Variants in PCNX1 observed in about 807,000 individuals in gnomAD.
The protein encoded by PCNX1 is pecanex 1.
PCNX1 carries 78 observed loss-of-function variants against 242.2 expected under a neutral mutation model. The ratio of observed to expected loss-of-function variants is 0.32; its 90% confidence interval spans 0.27 to 0.39. PCNX1 has a LOEUF of 0.39. Among genes scored for constraint, PCNX1 ranks in the 10% least tolerant of loss-of-function variants. The probability of loss-of-function intolerance (pLI) is 1.00; values close to 1 mark genes in which losing one functional copy is unlikely to be tolerated. For synonymous variants in PCNX1, 1,024 were observed against 1,032.9 expected, an observed-to-expected ratio of 0.99 and a Z score of 0.17; for missense variants, 2,581 against 2,856.5, an observed-to-expected ratio of 0.90 and a Z score of 2.20.
intron 12 of PCNX1, among the ~76,000 whole-genome samples, chr14:71,020,159 C>T (rs189578628): frequency 1.1e-4 from 16 of 152,294 alleles, no homozygotes; most frequent in East Asian, 9.6e-4. Context: ...ATATGTGCCA[C>T]ATTTTCTTTA....
chr14:71,008,649 C>A (rs1240518797), intron 8 of PCNX1, among the ~76,000 whole-genome samples: 5 of 118,000 alleles, frequency 4.2e-5, no homozygotes, highest in Non-Finnish European at 6.7e-5. Context: ...GAGCGAGACT[C>A]TGTCTCAAAA....
intron 28 of PCNX1, among the ~76,000 whole-genome samples, chr14:71,079,439 G>A (rs897648347): frequency 6.6e-6 from 1 of 152,160 alleles, no homozygotes; most frequent in Non-Finnish European, 1.5e-5. Flanking sequence ...CACAATGGTT[G>A]AACTAATTTA....
chr14:71,085,887 C>T, intron 28 of PCNX1: 1 of 227,576 alleles, frequency 4.4e-6, no homozygotes. Flanking sequence ...ACTCTCCTTC[C>T]ACCATTATTA....
chr14:70,924,978 T>G (rs1226916978), intron 1 of PCNX1, among the ~76,000 whole-genome samples: 2 of 151,840 alleles, frequency 1.3e-5, no homozygotes, highest in Non-Finnish European at 2.9e-5. Flanking sequence ...AGTTTTCACA[T>G]CTGGTTTTTT....
chr14:71,109,144 T>C (rs2062701295), intron 34 of PCNX1, 98 bp downstream of exon 34: 1 of 1,038,900 alleles, frequency 9.6e-7, no homozygotes, highest in Non-Finnish European at 1.4e-6. Flanking sequence ...ACACACCTTA[T>C]CTTAGTCTCA....
Position 71,044,459 on chromosome 14 carries a change from C to T in PCNX1, c.3868-674C>T, listed in dbSNP as rs968100565. On this transcript the variant is annotated intron_variant, in intron 19 of 35. Coordinates refer to ENST00000304743, the MANE Select transcript of PCNX1 (RefSeq NM_014982.3). ...AAAGTCTTGCCACAACCTTCATAGT[C>T]ACAAATGGTCTCTGTCCTGTGCACT... 6 of 152,464 alleles carry T rather than the reference C, an allele frequency of 3.9e-5. 1 individual carries two copies. Among genetic ancestry groups the T allele is most frequent in the Admixed American group, 1.3e-4 (2 of 15,310 alleles). The allele number at this position is 152,464 out of a possible 1,614,324, so 9.4% of individuals were successfully genotyped here. A position where few individuals can be genotyped will look rare whatever the true frequency, so the allele number is the denominator to read the frequency against.
chr14:71,109,842 C>G lies in PCNX1; in HGVS notation c.6933C>G (p.Ser2311=). Residue 2311 remains serine, a synonymous_variant, in exon 36 of 36, where the codon TCC becomes TCG. Transcript: ENST00000304743. ...GCAGCAGAGATCCAGGTACCAGATC[C>G]CACATCGACAAGGCAGTGCTTCTGG... The part of the protein sequence containing the change: ...VPCSRDPGTR[S]HIDKAVLLVQ... The G allele has an allele frequency of 6.2e-7, 1 of 1,612,814 alleles. No individual in the cohort carries two copies. The highest frequency in any genetic ancestry group is 8.5e-7 in the Non-Finnish European group (1 of 1,178,872).
chr14:70,996,730 G>A (rs888233018), intron 8 of PCNX1, among the ~76,000 whole-genome samples: 2 of 152,064 alleles, frequency 1.3e-5, no homozygotes, highest in Admixed American at 1.3e-4. Flanking sequence ...TCACTTGAAA[G>A]CATTTACTCA....
At chr14:70,941,356 A>G (rs995025911) in intron 1 of PCNX1, among the ~76,000 whole-genome samples, 9 of 151,858 alleles carry the variant, frequency 5.9e-5, no homozygotes. Flanking sequence ...AACAGTCAGG[A>G]CTCTCAGCTG....
At position 70,907,698 on chromosome 14, in the gene PCNX1, A is replaced by G; in HGVS notation, c.-153A>G. ...TGCTGCCTCCTCCTCCTCCTGCAGC[A>G]GCACCAGCGACCGCCGAAGCGCCGG... is the stretch of plus-strand genomic sequence containing the variant. On this transcript the variant is annotated 5_prime_UTR_variant, in exon 1 of 36. Coordinates refer to ENST00000304743, the MANE Select transcript of PCNX1 (RefSeq NM_014982.3). The G allele has an allele frequency of 2.2e-6, 2 of 918,938 alleles. No individual in the cohort carries two copies. The highest frequency in any genetic ancestry group is 2.8e-6 in the Non-Finnish European group (2 of 727,084). 56.9% of individuals were successfully genotyped at this position (918,938 alleles called of 1,614,324 possible). A position where few individuals can be genotyped will look rare whatever the true frequency, so the allele number is the denominator to read the frequency against.
At chr14:70,916,092 T>C (rs2056142404) in intron 1 of PCNX1, among the ~76,000 whole-genome samples, 1 of 152,056 alleles carries the variant, frequency 6.6e-6, no homozygotes, top group Admixed American at 6.6e-5. Context: ...GTGAAGAGGA[T>C]ATTTAAGGTT....
At chr14:71,004,288 C>T (rs372090755) in intron 8 of PCNX1, among the ~76,000 whole-genome samples, 4 of 152,174 alleles carry the variant, frequency 2.6e-5, no homozygotes, top group Admixed American at 6.5e-5. Flanking sequence ...TCCATTAACC[C>T]AGGGGTCCCC....
intron 28 of PCNX1, 115 bp downstream of exon 28, chr14:71,076,534 C>T: frequency 1.5e-6 from 1 of 678,848 alleles, no homozygotes; most frequent in South Asian, 1.8e-5. Flanking sequence ...TTCTGATCTT[C>T]TGGTTAAGAT....
At chr14:70,944,821 A>C (rs1397633555) in intron 1 of PCNX1, among the ~76,000 whole-genome samples, 6 of 152,188 alleles carry the variant, frequency 3.9e-5, no homozygotes, top group African/African-American at 9.7e-5. Context: ...GTGAGTTCTC[A>C]TGAGAACTGA....
rs559183182 is a variant in PCNX1, at chr14:70,940,997, A to G, written c.154-5918A>G. ...CATCAGGTCATTTAAGGTCTTCTCT[A>G]CATTGTTTATTCTAGTTAGCCATTT... On this transcript the variant is annotated intron_variant, in intron 1 of 35. Transcript: ENST00000304743. Among the ~76,000 whole-genome samples the G allele has an allele frequency of 2.0e-5, 3 of 152,236 alleles. No homozygotes were observed. In the South Asian group the frequency reaches 6.2e-4, roughly 32 times the overall value.
chr14:71,109,949 A>T lies in PCNX1; in HGVS notation c.*14A>T. On this transcript the variant is annotated 3_prime_UTR_variant, in exon 36 of 36. Transcript: ENST00000304743. ...GCTGAAGTGTGAGCCAGTGTTTATTATAAAGACATTTCTTTTTCCCTCTCA... is the reference window on the plus strand; with the variant it reads ...GCTGAAGTGTGAGCCAGTGTTTATTTTAAAGACATTTCTTTTTCCCTCTCA... The T allele has an allele frequency of 6.2e-7, 1 of 1,611,430 alleles. No individual in the cohort carries two copies. Among genetic ancestry groups the T allele is most frequent in the Non-Finnish European group, 8.5e-7 (1 of 1,177,632 alleles).
At chr14:71,029,468 G>A (rs753898842) in intron 16 of PCNX1, among the ~76,000 whole-genome samples, 2 of 152,120 alleles carry the variant, frequency 1.3e-5, no homozygotes, top group Admixed American at 6.5e-5. Context: ...CATTTATAGA[G>A]CATTTATGTG....
chr14:71,027,522 A>G (rs1307196682), intron 15 of PCNX1, among the ~76,000 whole-genome samples: 6 of 151,902 alleles, frequency 3.9e-5, no homozygotes, highest in African/African-American at 1.2e-4. Flanking sequence ...TATTTAGTTT[A>G]ACCATTTAAA....
At chr14:71,085,862 C>T in intron 28 of PCNX1, 1 of 305,546 alleles carries the variant, frequency 3.3e-6, no homozygotes, top group Non-Finnish European at 6.5e-6. Flanking sequence ...AGTAGTTATT[C>T]TGGATTACTC....
Sources: gnomAD v4.1 joint callset for allele counts (sites outside exome capture counted in the v4.1 genomes callset) on GRCh38, gnomAD v4.1.1 for gene constraint, MANE v1.5 for transcripts, NCBI Gene and HGNC (gene_info 2026-07-23, HGNC 2026-07-21) for gene names.